Variants in ST3GAL3 observed in about 807,000 individuals in gnomAD.
The protein encoded by ST3GAL3 is ST3 beta-galactoside alpha-2,3-sialyltransferase 3.
A neutral mutation model predicts 50.1 loss-of-function variants in ST3GAL3; 21 were observed. The observed-to-expected ratio is 0.42, with a 90% CI of 0.30 to 0.60. The LOEUF (loss-of-function observed/expected upper bound fraction) is 0.60, where lower values mean the gene tolerates loss of function less well. Ranked by LOEUF, ST3GAL3 falls within the 20% of genes least tolerant of loss-of-function variation. ST3GAL3 has a pLI of 0.19. For synonymous variants in ST3GAL3, 183 were observed against 190.0 expected, an observed-to-expected ratio of 0.96 and a Z score of 0.30; for missense variants, 353 against 489.4, an observed-to-expected ratio of 0.72 and a Z score of 2.63.
intron 5 of ST3GAL3, among the ~76,000 whole-genome samples, chr1:43,853,562 A>C (rs139702450): frequency 6.6e-6 from 1 of 152,328 alleles, no homozygotes; most frequent in East Asian, 1.9e-4. Context: ...TTTCATGGGC[A>C]GGCTGGCTAG....
chr1:43,796,057 C>A (rs1274556128), intron 3 of ST3GAL3, among the ~76,000 whole-genome samples: 1 of 152,128 alleles, frequency 6.6e-6, no homozygotes, highest in Non-Finnish European at 1.5e-5. Context: ...ATGCCCCAGC[C>A]CCCAGGCAAT....
chr1:43,901,038 A>G (rs544699739), intron 9 of ST3GAL3, among the ~76,000 whole-genome samples: 3 of 152,376 alleles, frequency 2.0e-5, no homozygotes, highest in East Asian at 1.9e-4. Flanking sequence ...GGAGTACCCT[A>G]CTGTTTTCAG....
At chr1:43,745,507 A>G (rs1683237822) in intron 2 of ST3GAL3, among the ~76,000 whole-genome samples, 1 of 152,368 alleles carries the variant, frequency 6.6e-6, no homozygotes, top group South Asian at 2.1e-4. Context: ...TAACACAACA[A>G]AAAGAGACAA....
At chr1:43,715,629 A>G (rs1224583280) in intron 1 of ST3GAL3, among the ~76,000 whole-genome samples, 1 of 151,994 alleles carries the variant, frequency 6.6e-6, no homozygotes, top group African/African-American at 2.4e-5. Flanking sequence ...ATCTCTTCAA[A>G]AAATTAAAAA....
At chr1:43,823,843 A>C (rs2062423792) in intron 4 of ST3GAL3, among the ~76,000 whole-genome samples, 1 of 152,252 alleles carries the variant, frequency 6.6e-6, no homozygotes, top group Admixed American at 6.5e-5. Flanking sequence ...ATGATATAGA[A>C]GGGATAAGTA....
intron 4 of ST3GAL3, among the ~76,000 whole-genome samples, chr1:43,834,064 G>A (rs2063924584): frequency 1.3e-5 from 2 of 152,136 alleles, no homozygotes; most frequent in South Asian, 4.1e-4. Context: ...GGGAGGCTGA[G>A]GCAGGAGAAT....
chr1:43,879,346 G>A (rs761198040), intron 5 of ST3GAL3: 7 of 456,078 alleles, frequency 1.5e-5, no homozygotes, highest in Non-Finnish European at 3.1e-5. Flanking sequence ...GAGAAGGTTC[G>A]AACCTTCATG....
At chr1:43,742,671 A>G (rs1193726930) in intron 2 of ST3GAL3, among the ~76,000 whole-genome samples, 1 of 152,218 alleles carries the variant, frequency 6.6e-6, no homozygotes, top group East Asian at 1.9e-4. Flanking sequence ...AACTATTATG[A>G]ATATATTTAA....
chr1:43,726,616 A>G (rs1673027995), intron 1 of ST3GAL3, among the ~76,000 whole-genome samples: 1 of 151,366 alleles, frequency 6.6e-6, no homozygotes, highest in Admixed American at 6.6e-5. Context: ...TTTTCTTGAG[A>G]TAGAGTCTTG....
chr1:43,905,680 C>A (rs61720589), intron 9 of ST3GAL3, among the ~76,000 whole-genome samples: 472 of 22,456 alleles, frequency 0.021, 34 homozygotes, highest in African/African-American at 0.05. Context: ...CACTGTTTCT[C>A]CCCCTCCTTC....
chr1:43,838,366 G>A (rs2064789782), intron 5 of ST3GAL3, 55 bp downstream of exon 5: 3 of 1,513,224 alleles, frequency 2.0e-6, no homozygotes, highest in Non-Finnish European at 2.8e-6. Flanking sequence ...GGGTCCAAGA[G>A]CCAGAAACTC....
intron 2 of ST3GAL3, among the ~76,000 whole-genome samples, chr1:43,771,733 TGTGTGTGTGTGTGTGTG>T (rs1695291458): frequency 3.8e-5 from 1 of 26,586 alleles, no homozygotes; most frequent in African/African-American, 5.7e-5. Context: ...AATAAAGTTG[TGTGTGTGTGTGTGTGTG>T]TGTGTGTGTG....
intron 2 of ST3GAL3, among the ~76,000 whole-genome samples, chr1:43,761,212 C>A (rs573383906): frequency 6.6e-6 from 1 of 152,058 alleles, no homozygotes; most frequent in Non-Finnish European, 1.5e-5. Flanking sequence ...CCTGGGAATT[C>A]TTGTAAGATT....
rs1169046671 is a variant in ST3GAL3 at position 43,829,889 on chromosome 1, A to G, written c.210-8330A>G. On this transcript the variant is annotated intron_variant, in intron 4 of 11. Transcript: ENST00000347631. The stretch of plus-strand genomic sequence containing the variant: ...GAGTAGGAACCAAAATGGAAAACTT[A>G]GGTTCCTTAGTGCAGTGCTTCTGAA... Among the ~76,000 whole-genome samples, 4 of 150,416 alleles carry G rather than the reference A, an allele frequency of 2.7e-5. 1 individual carries two copies. Among genetic ancestry groups the G allele is most frequent in the Admixed American group, 2.7e-4 (4 of 15,064 alleles).
intron 2 of ST3GAL3, among the ~76,000 whole-genome samples, chr1:43,775,465 C>T (rs970328257): frequency 9.2e-5 from 14 of 152,084 alleles, no homozygotes; most frequent in African/African-American, 3.4e-4. Flanking sequence ...AACTCCTGAC[C>T]TCAGGTGAAC....
At chr1:43,772,233 A>G in intron 2 of ST3GAL3, 1 of 383,342 alleles carries the variant, frequency 2.6e-6, no homozygotes, top group Admixed American at 4.5e-5. Flanking sequence ...TTTTTAGTAG[A>G]GATGGGGTTT....
At chr1:43,902,325 C>G (rs1407194773) in intron 9 of ST3GAL3, among the ~76,000 whole-genome samples, 1 of 152,214 alleles carries the variant, frequency 6.6e-6, no homozygotes, top group Non-Finnish European at 1.5e-5. Flanking sequence ...TCAGTCACAG[C>G]TGCTTCCTGC....
At chr1:43,785,890 G>A (rs534402327) in intron 2 of ST3GAL3, among the ~76,000 whole-genome samples, 3 of 152,158 alleles carry the variant, frequency 2.0e-5, no homozygotes, top group Admixed American at 2.0e-4. Flanking sequence ...TTAGGATGCA[G>A]CCTACTTTCC....
chr1:43,837,707 A>G (rs1169344712), intron 4 of ST3GAL3, among the ~76,000 whole-genome samples: 1 of 152,210 alleles, frequency 6.6e-6, no homozygotes, highest in African/African-American at 2.4e-5. Context: ...CAGTGGCTCA[A>G]TGCCTGTAAT....
Sources: gnomAD v4.1 joint callset for allele counts (sites outside exome capture counted in the v4.1 genomes callset) on GRCh38, gnomAD v4.1.1 for gene constraint, MANE v1.5 for transcripts, NCBI Gene and HGNC (gene_info 2026-07-23, HGNC 2026-07-21) for gene names.